AGBL1: variants seen among roughly 807,000 people sequenced by gnomAD.
AGBL1 encodes cytosolic carboxypeptidase 4.
In AGBL1, 130 loss-of-function variants were observed where a neutral mutation model predicts 118.9. The ratio of observed to expected loss-of-function variants is 1.09; its 90% CI spans 0.95 to 1.26. The LOEUF (loss-of-function observed/expected upper bound fraction) is 1.26, where lower values mean the gene tolerates loss of function less well. AGBL1 is among the 50% of genes most tolerant of loss of function. The pLI is 0.00. For synonymous variants in AGBL1, 555 were observed against 478.9 expected (o/e 1.16, Z -2.08); for missense variants, 1,584 against 1,298.1 (o/e 1.22, Z -3.38).
chr15:87,013,425 C>A (rs932772038), intron 24 of AGBL1, among the ~76,000 whole-genome samples: 1 of 152,102 alleles, frequency 6.6e-6, no homozygotes, highest in Non-Finnish European at 1.5e-5. Flanking sequence ...GCAACTAAAG[C>A]TGAAATTGCT....
intron 23 of AGBL1, among the ~76,000 whole-genome samples, chr15:86,924,767 C>T (rs570887738): frequency 6.6e-6 from 1 of 152,126 alleles, no homozygotes; most frequent in Admixed American, 6.6e-5. Flanking sequence ...GTCTCTCAAA[C>T]TTTGGCCACA....
At chr15:86,733,775 A>G (rs2077558162) in intron 22 of AGBL1, among the ~76,000 whole-genome samples, 1 of 152,182 alleles carries the variant, frequency 6.6e-6, no homozygotes, top group Non-Finnish European at 1.5e-5. Context: ...AGGATCTCAT[A>G]AACAGGAATT....
chr15:86,840,563 C>T (rs2079230723), intron 22 of AGBL1, among the ~76,000 whole-genome samples: 1 of 152,140 alleles, frequency 6.6e-6, no homozygotes, highest in Non-Finnish European at 1.5e-5. Flanking sequence ...TCTCCTGCCT[C>T]ACCTCCCGAG....
chr15:86,296,228 A>AC (rs1491030117), intron 17 of AGBL1: 5 of 149,176 alleles, frequency 3.4e-5, no homozygotes, highest in African/African-American at 1.3e-4. Flanking sequence ...AAAAAAAAAA[A>AC]ACAAAAAAAC....
At chr15:86,972,888 G>A (rs930347300) in intron 23 of AGBL1, among the ~76,000 whole-genome samples, 1 of 151,912 alleles carries the variant, frequency 6.6e-6, no homozygotes, top group Admixed American at 6.6e-5. Flanking sequence ...TAGATCCAGA[G>A]TCTCAATAAA....
chr15:86,190,105 A>G (rs17664682), intron 5 of AGBL1, among the ~76,000 whole-genome samples: 23,522 of 152,172 alleles, frequency 0.15, 1,990 homozygotes, highest in Middle Eastern at 0.23. Flanking sequence ...TTCATTGCAT[A>G]GTGGTAATAA....
intron 21 of AGBL1, among the ~76,000 whole-genome samples, chr15:86,558,869 T>C (rs2083774543): frequency 6.6e-6 from 1 of 152,240 alleles, no homozygotes; most frequent in South Asian, 2.1e-4. Flanking sequence ...ATTTATTTTC[T>C]GTGGCTGCTG....
intron 22 of AGBL1, among the ~76,000 whole-genome samples, chr15:86,788,567 A>C (rs1424420632): frequency 1.3e-5 from 2 of 152,242 alleles, no homozygotes; most frequent in Non-Finnish European, 2.9e-5. Context: ...CAAGAGAAGC[A>C]AGACCTCCTG....
At chr15:86,229,903 T>A (rs1369764884) in intron 6 of AGBL1, among the ~76,000 whole-genome samples, 1 of 152,154 alleles carries the variant, frequency 6.6e-6, no homozygotes, top group Non-Finnish European at 1.5e-5. Context: ...TAAAACTTAA[T>A]AAGGGAATGA....
chr15:87,015,018 C>T (rs1462208354), intron 24 of AGBL1, among the ~76,000 whole-genome samples: 1 of 152,098 alleles, frequency 6.6e-6, no homozygotes, highest in Non-Finnish European at 1.5e-5. Context: ...GGACATGATT[C>T]AATCAGCTTG....
At chr15:86,733,417 C>G (rs949864298) in intron 22 of AGBL1, among the ~76,000 whole-genome samples, 1 of 152,142 alleles carries the variant, frequency 6.6e-6, no homozygotes, top group African/African-American at 2.4e-5. Flanking sequence ...AAATGCTGTT[C>G]TCATCCAGAA....
Position 86,708,894 on chromosome 15 carries a change from C to T in AGBL1, c.3158+34458C>T, listed in dbSNP as rs146723966. ...GCACACTTGCCAAGTCCTAAATCATCCATTTTGTTGCTTCACTTCCACTGC... is the reference window on the plus strand; with the variant it reads ...GCACACTTGCCAAGTCCTAAATCATTCATTTTGTTGCTTCACTTCCACTGC... On this transcript the variant is annotated intron_variant, in intron 22 of 22. Transcript: ENST00000614907. 2.0e-3 allele frequency among the ~76,000 whole-genome samples: 301 copies of T among 152,230 alleles called. 2 individuals are homozygous for T. Among genetic ancestry groups the T allele is most frequent in the African/African-American group, 7.0e-3 (291 of 41,560 alleles).
chr15:86,210,753 GT>G (rs1367859296), intron 5 of AGBL1, among the ~76,000 whole-genome samples: 1 of 152,078 alleles, frequency 6.6e-6, no homozygotes, highest in Non-Finnish European at 1.5e-5. Context: ...CTTGAGATGG[GT>G]TCGAACATCC....
At chr15:86,942,513 C>G (rs568219603) in intron 23 of AGBL1, among the ~76,000 whole-genome samples, 2 of 152,190 alleles carry the variant, frequency 1.3e-5, no homozygotes, top group Non-Finnish European at 2.9e-5. Context: ...TGGACTCTCA[C>G]TCAGTTCCAG....
intron 24 of AGBL1, among the ~76,000 whole-genome samples, chr15:86,997,795 T>C (rs1292838612): frequency 6.6e-6 from 1 of 151,874 alleles, no homozygotes; most frequent in Non-Finnish European, 1.5e-5. Flanking sequence ...AAACCTAATA[T>C]AAACACCTGA....
intron 17 of AGBL1, among the ~76,000 whole-genome samples, chr15:86,321,875 T>A (rs1411524461): frequency 6.6e-6 from 1 of 152,162 alleles, no homozygotes; most frequent in Non-Finnish European, 1.5e-5. Context: ...AGTACTAATT[T>A]TTTTTATTGT....
At chr15:86,746,740 A>G (rs1223681815) in intron 22 of AGBL1, among the ~76,000 whole-genome samples, 2 of 151,984 alleles carry the variant, frequency 1.3e-5, no homozygotes, top group Non-Finnish European at 2.9e-5. Context: ...AGTGTTGGTC[A>G]TTAAATGGAG....
At position 86,169,723 on chromosome 15, in the gene AGBL1, A is replaced by G. The variant is rs1597487702; in HGVS notation, c.488+10697A>G. On this transcript the variant is annotated intron_variant, in intron 5 of 22. Coordinates refer to ENST00000614907, the MANE Select transcript of AGBL1 (RefSeq NM_001386094.1). ...AAAAATCTGTTCATATTCAGCACAG[A>G]TGCAATTTTTAAAAATATATTTAAT... 2.0e-5 allele frequency among the ~76,000 whole-genome samples: 3 copies of G among 152,356 alleles called. No individual in the cohort carries two copies. In the East Asian group the frequency reaches 5.8e-4, roughly 29 times the overall value.
chr15:86,194,348 A>C (rs2077767427), intron 5 of AGBL1, among the ~76,000 whole-genome samples: 2 of 152,236 alleles, frequency 1.3e-5, no homozygotes, highest in South Asian at 4.1e-4. Flanking sequence ...GCAAAGAAAG[A>C]GTGATGCCTG....
Sources: allele counts gnomAD v4.1 joint callset (sites outside exome capture counted in the v4.1 genomes callset), GRCh38; gene constraint gnomAD v4.1.1; transcripts MANE v1.5; gene names NCBI Gene and HGNC (gene_info 2026-07-23, HGNC 2026-07-21).